The following CACNB2 variants were observed in gnomAD, a reference collection of about 807,000 sequenced individuals.
The protein encoded by CACNB2 is calcium voltage-gated channel auxiliary subunit beta 2, also known as voltage-dependent L-type calcium channel subunit beta-2.
A neutral mutation model predicts 73.3 loss-of-function variants in CACNB2; 42 were observed. That is an observed-to-expected ratio of 0.57 (90% CI 0.45 to 0.74). The LOEUF is 0.74. Ranked by LOEUF, CACNB2 falls within the 30% of genes least tolerant of loss-of-function variation. The probability of loss-of-function intolerance (pLI) is 0.00; values close to 1 mark genes in which losing one functional copy is unlikely to be tolerated. For missense variants in CACNB2, 940 were observed against 853.0 expected, an observed-to-expected ratio of 1.10 and a Z score of -1.27; for synonymous variants, 348 against 310.3, an observed-to-expected ratio of 1.12 and a Z score of -1.28.
At chr10:18,467,396 C>T (rs2047952770) in intron 3 of CACNB2, among the ~76,000 whole-genome samples, 1 of 152,066 alleles carries the variant, frequency 6.6e-6, no homozygotes, top group Non-Finnish European at 1.5e-5. Context: ...CTTTGAGGTC[C>T]ACAAATATTT....
At chr10:18,438,081 T>G (rs2046231473) in intron 3 of CACNB2, among the ~76,000 whole-genome samples, 1 of 136,452 alleles carries the variant, frequency 7.3e-6, no homozygotes, top group African/African-American at 2.7e-5. Flanking sequence ...GCAGTGGCGC[T>G]ATCTCGGTTT....
chr10:18,412,499 G>A lies in CACNB2; in HGVS notation c.333+10456G>A, dbSNP rs546061877. On this transcript the variant is annotated intron_variant, in intron 3 of 13. Transcript: ENST00000324631. The stretch of plus-strand genomic sequence containing the variant: ...TCTTCCCTACTTACTCTTTAACACC[G>A]TGAAACTGATTTCTGTCTCCATCTC... Among the ~76,000 whole-genome samples, 5 of 152,078 alleles carry A rather than the reference G, an allele frequency of 3.3e-5. No individual in the cohort carries two copies. The East Asian group carries it at 5.8e-4, about 18-fold the overall frequency.
chr10:18,426,435 G>T (rs940909843), intron 3 of CACNB2, among the ~76,000 whole-genome samples: 1 of 152,162 alleles, frequency 6.6e-6, no homozygotes, highest in African/African-American at 2.4e-5. Flanking sequence ...TGTCTGAAAA[G>T]CTTTGTATTT....
At chr10:18,330,563 A>G (rs1424101617) in intron 2 of CACNB2, among the ~76,000 whole-genome samples, 1 of 152,198 alleles carries the variant, frequency 6.6e-6, no homozygotes, top group Non-Finnish European at 1.5e-5. Flanking sequence ...TGGGAGGATC[A>G]TTTGAGCCCA....
intron 1 of CACNB2, among the ~76,000 whole-genome samples, chr10:18,142,063 A>T (rs1564289652): frequency 6.6e-6 from 1 of 152,172 alleles, no homozygotes; most frequent in Non-Finnish European, 1.5e-5. Context: ...AAGGTGGCAA[A>T]TGTTTTCTTG....
intron 3 of CACNB2, among the ~76,000 whole-genome samples, chr10:18,424,009 A>T (rs1290708913): frequency 1.3e-5 from 2 of 152,198 alleles, no homozygotes; most frequent in East Asian, 3.9e-4. Context: ...ATTAAATAAT[A>T]TATAAGAGTA....
chr10:18,161,191 T>A (rs886204119), intron 2 of CACNB2, among the ~76,000 whole-genome samples: 1 of 152,178 alleles, frequency 6.6e-6, no homozygotes, highest in Admixed American at 6.5e-5. Flanking sequence ...CTTCAGGAAG[T>A]CCCTGTCCCC....
At chr10:18,469,471 A>G (rs2048068881) in intron 3 of CACNB2, among the ~76,000 whole-genome samples, 1 of 152,202 alleles carries the variant, frequency 6.6e-6, no homozygotes, top group Non-Finnish European at 1.5e-5. Context: ...CAGTTAGCTC[A>G]ACTTTTTAGC....
At chr10:18,189,128 C>T (rs1430303132) in intron 2 of CACNB2, among the ~76,000 whole-genome samples, 1 of 152,020 alleles carries the variant, frequency 6.6e-6, no homozygotes, top group Non-Finnish European at 1.5e-5. Context: ...TGTCCAACTA[C>T]AGATTGTTTG....
chr10:18,489,866 A>G (rs79367091), intron 3 of CACNB2, among the ~76,000 whole-genome samples: 2,167 of 152,204 alleles, frequency 0.014, 47 homozygotes, highest in African/African-American at 0.048. Context: ...TGAACAAGAC[A>G]TGGCCTTGGT....
intron 2 of CACNB2, among the ~76,000 whole-genome samples, chr10:18,187,882 T>G (rs1462807177): frequency 6.6e-6 from 1 of 152,168 alleles, no homozygotes; most frequent in Non-Finnish European, 1.5e-5. Flanking sequence ...TTCTGCCTTT[T>G]TAGGAAAATC....
At chr10:18,340,956 A>G (rs374233500) in intron 2 of CACNB2, 11 of 1,614,020 alleles carry the variant, frequency 6.8e-6, no homozygotes, top group African/African-American at 1.3e-5. Context: ...TAGCTCCTCA[A>G]ACTAAATACA....
intron 2 of CACNB2, among the ~76,000 whole-genome samples, chr10:18,220,574 A>G (rs1229343132): frequency 6.6e-6 from 1 of 151,582 alleles, no homozygotes; most frequent in Non-Finnish European, 1.5e-5. Flanking sequence ...ATCTGTGTTT[A>G]TTTCTTTAGA....
chr10:18,279,965 G>A (rs183433385), intron 2 of CACNB2, among the ~76,000 whole-genome samples: 31 of 152,278 alleles, frequency 2.0e-4, no homozygotes, highest in African/African-American at 7.5e-4. Context: ...TGTAATCCCA[G>A]CCACCTGGGA....
At chr10:18,236,830 C>T (rs1322982530) in intron 2 of CACNB2, among the ~76,000 whole-genome samples, 1 of 152,130 alleles carries the variant, frequency 6.6e-6, no homozygotes, top group Non-Finnish European at 1.5e-5. Context: ...CAGAACTTTG[C>T]AGTCTGAGCC....
chr10:18,462,345 C>T (rs749751783), intron 3 of CACNB2, among the ~76,000 whole-genome samples: 1 of 152,184 alleles, frequency 6.6e-6, no homozygotes, highest in Non-Finnish European at 1.5e-5. Flanking sequence ...GCCTTGAACT[C>T]CTGGGCTCAA....
At chr10:18,253,507 A>G (rs1013795908) in intron 2 of CACNB2, among the ~76,000 whole-genome samples, 2 of 152,156 alleles carry the variant, frequency 1.3e-5, no homozygotes, top group Admixed American at 1.3e-4. Flanking sequence ...TCCTGTTATC[A>G]TCCTAGATTT....
At chr10:18,147,800 CT>C (rs1428678116) in intron 1 of CACNB2, among the ~76,000 whole-genome samples, 2 of 151,886 alleles carry the variant, frequency 1.3e-5, no homozygotes, top group African/African-American at 2.4e-5. Flanking sequence ...TTGGCCTTCA[CT>C]TTTTTCCCCC....
intron 3 of CACNB2, 85 bp from the exon 4 acceptor site, chr10:18,498,270 T>G (rs2049957455): frequency 6.7e-7 from 1 of 1,498,538 alleles, no homozygotes; most frequent in Admixed American, 1.8e-5. Context: ...CAGTAGTTAT[T>G]CAGTATGTCT....
Sources: allele counts gnomAD v4.1 joint callset (sites outside exome capture counted in the v4.1 genomes callset), GRCh38; gene constraint gnomAD v4.1.1; transcripts MANE v1.5; gene names NCBI Gene and HGNC (gene_info 2026-07-23, HGNC 2026-07-21).